IMMP2L: variants seen among roughly 807,000 people sequenced by gnomAD.
The protein encoded by IMMP2L is inner mitochondrial membrane peptidase subunit 2, also known as mitochondrial inner membrane protease subunit 2.
A neutral mutation model predicts 19.3 loss-of-function variants in IMMP2L; 18 were observed. That is an observed-to-expected ratio of 0.93 (90% CI 0.64 to 1.38). The LOEUF (loss-of-function observed/expected upper bound fraction) is 1.38, where lower values mean the gene tolerates loss of function less well. Ranked by LOEUF, IMMP2L falls within the 40% of genes most tolerant of loss-of-function variation. The pLI is 0.00. For missense variants in IMMP2L, 233 were observed against 218.2 expected (o/e 1.07, Z -0.43); for synonymous variants, 76 against 73.0 (o/e 1.04, Z -0.21).
rs146667266 is a variant in IMMP2L, at chr7:111,462,951, T to C, written c.239+24287A>G. Among the ~76,000 whole-genome samples, 12 of 152,226 alleles carry C rather than the reference T, an allele frequency of 7.9e-5. No individual in the cohort carries two copies. In the East Asian group the frequency reaches 1.7e-3, roughly 22 times the overall value. Reference sequence around the variant, plus strand: ...ACATATGGTATGTTATTCTGCAGGGTTGCCATAACATAATACCAAACACGA... The same window carrying C: ...ACATATGGTATGTTATTCTGCAGGGCTGCCATAACATAATACCAAACACGA... On this transcript the variant is annotated intron_variant, in intron 3 of 5. Coordinates refer to ENST00000405709, the MANE Select transcript of IMMP2L (RefSeq NM_032549.4).
intron 5 of IMMP2L, among the ~76,000 whole-genome samples, chr7:110,770,636 T>C (rs1191453459): frequency 1.3e-5 from 2 of 152,180 alleles, no homozygotes; most frequent in Non-Finnish European, 2.9e-5. Context: ...ACGTTCCTAT[T>C]GAGCAGATCT....
chr7:111,007,992 C>T (rs554450184), intron 3 of IMMP2L, among the ~76,000 whole-genome samples: 1 of 152,208 alleles, frequency 6.6e-6, no homozygotes, highest in Non-Finnish European at 1.5e-5. Flanking sequence ...TCTAATTTAT[C>T]AAGTCTTGTT....
rs577258850 is a variant in IMMP2L, at chr7:111,239,398, C to T, written c.239+247840G>A. Among the ~76,000 whole-genome samples the T allele has an allele frequency of 3.3e-5, 5 of 151,846 alleles. No individual in the cohort carries two copies. In the East Asian group the frequency reaches 5.8e-4, roughly 18 times the overall value. On this transcript the variant is annotated intron_variant, in intron 3 of 5. Transcript: ENST00000405709. The stretch of plus-strand genomic sequence containing the variant: ...ACCATTGTTAATTTTCACAAACTTT[C>T]GATAAAATTTGAATTTAATGCTCTC...
At chr7:110,959,396 T>C (rs903255406) in intron 4 of IMMP2L, among the ~76,000 whole-genome samples, 2 of 151,944 alleles carry the variant, frequency 1.3e-5, no homozygotes, top group Non-Finnish European at 2.9e-5. Context: ...TTTTTTAATA[T>C]ACTCTGGCAT....
intron 3 of IMMP2L, among the ~76,000 whole-genome samples, chr7:111,418,214 CTTG>C (rs1472758630): frequency 1.3e-5 from 2 of 151,650 alleles, no homozygotes; most frequent in Non-Finnish European, 2.9e-5. Context: ...TACATATTGA[CTTG>C]TATATAAATT....
chr7:111,181,520 G>A (rs1299890449), intron 3 of IMMP2L, among the ~76,000 whole-genome samples: 3 of 152,068 alleles, frequency 2.0e-5, no homozygotes, highest in South Asian at 2.1e-4. Flanking sequence ...GCTTGATGGA[G>A]AAGCTCTGGC....
At chr7:110,867,548 G>T (rs1384575133) in intron 5 of IMMP2L, among the ~76,000 whole-genome samples, 1 of 151,804 alleles carries the variant, frequency 6.6e-6, no homozygotes, top group Non-Finnish European at 1.5e-5. Context: ...TATGTATGTG[G>T]GGACCTGAAA....
intron 5 of IMMP2L, among the ~76,000 whole-genome samples, chr7:110,810,135 T>C (rs2131266136): frequency 6.6e-6 from 1 of 152,206 alleles, no homozygotes; most frequent in Non-Finnish European, 1.5e-5. Flanking sequence ...TGCTTATCCC[T>C]TGTTTAGTCC....
chr7:110,736,992 G>A (rs189927659), intron 5 of IMMP2L, among the ~76,000 whole-genome samples: 85 of 152,224 alleles, frequency 5.6e-4, no homozygotes, highest in Middle Eastern at 3.4e-3. Context: ...GGAATGCTAC[G>A]GTTTGAATGT....
chr7:111,285,351 G>C (rs2130749595), intron 3 of IMMP2L, among the ~76,000 whole-genome samples: 1 of 152,242 alleles, frequency 6.6e-6, no homozygotes. Flanking sequence ...AATTAGCAAT[G>C]TTTCCTTGGG....
chr7:111,243,660 TC>T (rs1324215969), intron 3 of IMMP2L, among the ~76,000 whole-genome samples: 3 of 104,782 alleles, frequency 2.9e-5, no homozygotes, highest in African/African-American at 7.4e-5. Flanking sequence ...ATGCTATCCC[TC>T]CCCCCTCCCC....
chr7:111,162,432 T>C (rs1805366062), intron 3 of IMMP2L, among the ~76,000 whole-genome samples: 1 of 152,058 alleles, frequency 6.6e-6, no homozygotes, highest in Non-Finnish European at 1.5e-5. Context: ...AGGGAAAATG[T>C]GACTTTTTAA....
intron 3 of IMMP2L, among the ~76,000 whole-genome samples, chr7:111,217,640 CCTTTA>C (rs1425383249): frequency 6.6e-6 from 1 of 152,062 alleles, no homozygotes; most frequent in Non-Finnish European, 1.5e-5. Flanking sequence ...TATCCAATCT[CCTTTA>C]CTTTATCTTT....
chr7:111,391,018 T>G (rs1178822819), intron 3 of IMMP2L, among the ~76,000 whole-genome samples: 1 of 152,132 alleles, frequency 6.6e-6, no homozygotes, highest in South Asian at 2.1e-4. Context: ...CCTTACAAAT[T>G]TGAGAATTCT....
At chr7:110,827,251 C>T (rs1223174412) in intron 5 of IMMP2L, among the ~76,000 whole-genome samples, 3 of 152,072 alleles carry the variant, frequency 2.0e-5, no homozygotes, top group Non-Finnish European at 2.9e-5. Context: ...CACCCAAAGA[C>T]CGTTATTAAA....
chr7:110,881,632 T>C (rs1247203405), intron 5 of IMMP2L, among the ~76,000 whole-genome samples: 1 of 152,222 alleles, frequency 6.6e-6, no homozygotes, highest in African/African-American at 2.4e-5. Context: ...TTTTTAAAAT[T>C]TGAAATGGCT....
At chr7:111,391,680 T>C (rs1365826409) in intron 3 of IMMP2L, among the ~76,000 whole-genome samples, 1 of 152,158 alleles carries the variant, frequency 6.6e-6, no homozygotes, top group African/African-American at 2.4e-5. Flanking sequence ...TGCCTTCGTT[T>C]TATACAGAAT....
chr7:111,056,425 C>T (rs1793513267), intron 3 of IMMP2L, among the ~76,000 whole-genome samples: 2 of 152,234 alleles, frequency 1.3e-5, no homozygotes, highest in Non-Finnish European at 2.9e-5. Flanking sequence ...ATACACTCAT[C>T]AGATTAAATC....
At chr7:111,165,754 T>C (rs1805748501) in intron 3 of IMMP2L, among the ~76,000 whole-genome samples, 1 of 151,992 alleles carries the variant, frequency 6.6e-6, no homozygotes, top group South Asian at 2.1e-4. Flanking sequence ...TCTCCCATAC[T>C]CATTCTGGGT....
Sources: allele counts gnomAD v4.1 joint callset (sites outside exome capture counted in the v4.1 genomes callset), GRCh38; gene constraint gnomAD v4.1.1; transcripts MANE v1.5; gene names NCBI Gene and HGNC (gene_info 2026-07-23, HGNC 2026-07-21).